Variants in TNK2 observed in about 807,000 individuals in gnomAD.
The protein encoded by TNK2 is activated CDC42 kinase 1.
A neutral mutation model predicts 101.8 loss-of-function variants in TNK2; 83 were observed. The observed-to-expected ratio is 0.82, with a 90% CI of 0.68 to 0.98. The LOEUF is 0.98. TNK2 is among the 50% of genes least tolerant of loss of function. The pLI is 0.00. For synonymous variants in TNK2, 804 were observed against 633.0 expected (o/e 1.27, Z -4.06); for missense variants, 1,665 against 1,483.2 (o/e 1.12, Z -2.01).
At position 195,886,779 on chromosome 3, in the gene TNK2, C is replaced by T. The variant is rs1018814242; in HGVS notation, c.234+198G>A. Among the ~76,000 whole-genome samples the T allele has an allele frequency of 1.3e-5, 2 of 152,188 alleles. No individual in the cohort carries two copies. The highest frequency in any genetic ancestry group is 4.8e-5 in the African/African-American group (2 of 41,444). ...AGGCTGCTCACGTGTCCGTATCTGG[C>T]GGAGACAGACACTTAGCCCAGCAGC... On this transcript the variant is annotated intron_variant, in intron 3 of 15. Coordinates refer to ENST00000672887, the MANE Select transcript of TNK2 (RefSeq NM_001382273.1). This position sits in a 1 kb window ranked among gnomAD's most constrained non-coding sequence, Gnocchi z 4.2.
rs200923684 is a variant in TNK2, at chr3:195,868,513, C to T, written c.1785G>A (p.Pro595=). The stretch of plus-strand genomic sequence containing the variant: ...GGGAGGGCGCGCAGGGCCGTAGGGC[C>T]GGGACCACGGGCTCCTCACCGAAGT... The part of the protein sequence containing the change: ...LIDFGEEPVV[P]ALRPCAPSLA... Residue 595 remains proline (P), a synonymous_variant, in exon 13 of 16, where the codon CCG becomes CCA. Coordinates refer to ENST00000672887, the MANE Select transcript of TNK2 (RefSeq NM_001382273.1). 56 of 1,556,486 alleles carry T rather than the reference C, an allele frequency of 3.6e-5. No homozygotes were observed. Among genetic ancestry groups the T allele is most frequent in the East Asian group, 2.8e-4 (12 of 42,682 alleles).
rs565563192 is a variant in TNK2 at position 195,868,086 on chromosome 3, C to T, written c.2212G>A (p.Gly738Ser). The change falls in exon 13 of 16, where the codon GGC becomes AGC. Residue 738 changes from glycine (G) to serine (S), a missense_variant. Transcript: ENST00000672887. ...ECMRQLQAPAGSPAPSPSPGG... is the reference protein window; with the variant it reads ...ECMRQLQAPASSPAPSPSPGG... Reference sequence around the variant, plus strand: ...GGGCTGGGAGAGGGGGCCGGGGAGCCGGCCGGAGCCTGCAGTTGCCTCATG... The same window carrying T: ...GGGCTGGGAGAGGGGGCCGGGGAGCTGGCCGGAGCCTGCAGTTGCCTCATG... 287 of 1,609,720 alleles carry T rather than the reference C, an allele frequency of 1.8e-4. 1 individual carries two copies. Among genetic ancestry groups the T allele is most frequent in the Admixed American group, 5.4e-4 (32 of 59,790 alleles).
intron 1 of TNK2, among the ~76,000 whole-genome samples, chr3:195,904,692 CA>C (rs2149877596): frequency 6.6e-6 from 1 of 152,044 alleles, no homozygotes; most frequent in South Asian, 2.1e-4. Flanking sequence ...TATTTTACCA[CA>C]ATTAAAAGTT....
Position 195,868,664 on chromosome 3 carries a change from C to G in TNK2, c.1634G>C (p.Ser545Thr). 1 of 1,593,494 alleles carries G rather than the reference C, an allele frequency of 6.3e-7. No homozygotes were observed. The part of the protein sequence containing the change: ...PVSEDQDPLS[S>T]DFKRLGLRKP... ...CCGCAGGCCCAGCCTCTTGAAGTCGCTGGACAAGGGGTCTTGGTCCTCGCT... is the reference window on the plus strand; with the variant it reads ...CCGCAGGCCCAGCCTCTTGAAGTCGGTGGACAAGGGGTCTTGGTCCTCGCT... The change falls in exon 13 of 16, where the codon AGC (serine) becomes ACC (threonine). Residue 545 changes from serine to threonine, a missense_variant. Around this residue, in one of 3 missense-constraint regions of TNK2, gnomAD observed 1,136 missense variants for 894.9 expected, o/e 1.27. Transcript: ENST00000672887.
At chr3:195,869,629 G>GCA in intron 11 of TNK2, 88 bp from the exon 12 acceptor site, 2 of 1,213,394 alleles carry the variant, frequency 1.6e-6, no homozygotes, top group Non-Finnish European at 2.4e-6. Flanking sequence ...AGGGCAGAGT[G>GCA]TAGAGAGACG....
At chr3:195,881,977 G>A in intron 6 of TNK2, 74 bp downstream of exon 6, 1 of 1,525,016 alleles carries the variant, frequency 6.6e-7, no homozygotes. Flanking sequence ...GGCTGTGGTG[G>A]GTCCAGAAAG....
rs1160139215 is a variant in TNK2 at position 195,867,223 on chromosome 3, C to G, written c.2979G>C (p.Gln993His). 6.2e-7 allele frequency: 1 copy of G among 1,613,038 alleles called. No individual in the cohort carries two copies. The highest frequency in any genetic ancestry group is 8.5e-7 in the Non-Finnish European group (1 of 1,179,920). The change falls in exon 14 of 16, where the codon CAG (glutamine) becomes CAC (histidine). Residue 993 changes from glutamine (Q) to histidine (H), a missense_variant. By Grantham distance (24) the Gln-to-His change is conservative. This residue lies in a region of TNK2 where 1,136 missense variants were observed against 894.9 expected (regional missense o/e 1.27). Coordinates refer to ENST00000672887, the MANE Select transcript of TNK2 (RefSeq NM_001382273.1). ...TCCAGCCGTGGCACTGCAGGGCCGCCTGGCACTCCTCTGTGGTCACCCCAT... is the reference window on the plus strand; with the variant it reads ...TCCAGCCGTGGCACTGCAGGGCCGCGTGGCACTCCTCTGTGGTCACCCCAT... ...MVHGVTTEEC[Q>H]AALQCHGWSV...
At chr3:195,900,524 G>A (rs973628244) in intron 1 of TNK2, among the ~76,000 whole-genome samples, 17 of 152,168 alleles carry the variant, frequency 1.1e-4, no homozygotes, top group African/African-American at 1.9e-4. Flanking sequence ...TTCATGCTCC[G>A]CCAGCTGAAG....
At chr3:195,870,264 T>A (rs531145791) in intron 10 of TNK2, 59 bp from the exon 11 acceptor site, 2 of 1,593,526 alleles carry the variant, frequency 1.3e-6, no homozygotes, top group Admixed American at 1.7e-5. Flanking sequence ...GGTGGCAGAA[T>A]CTCATCAGAG....
Position 195,886,931 on chromosome 3 carries a change from T to C in TNK2, c.234+46A>G, listed in dbSNP as rs1755894941. The C allele has an allele frequency of 6.3e-7, 1 of 1,588,572 alleles. No homozygotes were observed. The highest frequency in any genetic ancestry group is 8.6e-7 in the Non-Finnish European group (1 of 1,157,182). ...CCAGGACCAGAAGCGGAGGGGGGCGTTCGAGGCTGCCCCCCTCCCACCTCC... is the reference window on the plus strand; with the variant it reads ...CCAGGACCAGAAGCGGAGGGGGGCGCTCGAGGCTGCCCCCCTCCCACCTCC... On this transcript the variant is annotated intron_variant, in intron 3 of 15. Transcript: ENST00000672887. The surrounding 1 kb of genome is among the most constrained non-coding windows in gnomAD (Gnocchi z 4.2).
rs555838436 is a variant in TNK2, at chr3:195,878,388, G to A, written c.1162-41C>T. 1.9e-5 allele frequency: 30 copies of A among 1,613,754 alleles called. No individual in the cohort carries two copies. Among genetic ancestry groups the A allele is most frequent in the Middle Eastern group, 3.3e-4 (2 of 6,084 alleles). ...GGTCGTGGCCAACTCTGGGACTGAC[G>A]CCTGGGTAGCCCCTCAGCTTGAACA... On this transcript the variant is annotated intron_variant, in intron 8 of 15. Transcript: ENST00000672887. This position sits in a 1 kb window ranked among gnomAD's most constrained non-coding sequence, Gnocchi z 4.7.
chr3:195,879,023 A>T, intron 7 of TNK2, 26 bp downstream of exon 7: 3 of 1,611,006 alleles, frequency 1.9e-6, no homozygotes, highest in Non-Finnish European at 2.5e-6. Flanking sequence ...CACCAGCCCT[A>T]TGGGGGCCCG....
chr3:195,873,586 C>T (rs1747006637), intron 9 of TNK2, among the ~76,000 whole-genome samples: 1 of 152,142 alleles, frequency 6.6e-6, no homozygotes, highest in South Asian at 2.1e-4. Context: ...CGTGTGGCAC[C>T]ACACTGCACG....
At chr3:195,884,594 G>C in intron 4 of TNK2, 1 of 485,692 alleles carries the variant, frequency 2.1e-6, no homozygotes, top group East Asian at 3.3e-5. Flanking sequence ...AGGAAGCCGA[G>C]ATCGTGCCTA....
In TNK2 at chr3:195,868,285, G is replaced by A. The variant is rs759755725; in HGVS notation, c.2013C>T (p.Gly671=). The change falls in exon 13 of 16, where the codon GGC becomes GGT. Residue 671 remains glycine (G), a synonymous_variant. Coordinates refer to ENST00000672887, the MANE Select transcript of TNK2 (RefSeq NM_001382273.1). ...EICSINSTLV[G]AGVPAGPSQG... ...GGCTGGGCCCGGCAGGGACCCCCGC[G>A]CCCACGAGGGTGCTGTTGATGGAGC... The A allele has an allele frequency of 3.5e-5, 56 of 1,603,756 alleles. No individual in the cohort carries two copies. Among genetic ancestry groups the A allele is most frequent in the African/African-American group, 2.0e-4 (15 of 74,858 alleles).
At chr3:195,869,857 C>T (rs1377838949) in intron 11 of TNK2, 14 of 552,300 alleles carry the variant, frequency 2.5e-5, no homozygotes, top group South Asian at 1.5e-4. Flanking sequence ...TGAGCTCGGC[C>T]GTGGAAGGAG....
At chr3:195,884,121 G>A (rs1157144092) in intron 4 of TNK2, 2 of 152,148 alleles carry the variant, frequency 1.3e-5, no homozygotes, top group African/African-American at 2.4e-5. Context: ...TATCCCTGAG[G>A]GGAAAATGTT....
intron 2 of TNK2, among the ~76,000 whole-genome samples, chr3:195,887,354 C>T (rs1386069979): frequency 6.6e-6 from 1 of 152,276 alleles, no homozygotes; most frequent in Admixed American, 6.5e-5. Context: ...TTTTTCCCTC[C>T]GTAAAATTTT....
rs1360090092 is a variant in TNK2, at chr3:195,884,945, G to T, written c.323C>A (p.Pro108Gln). 1 of 1,613,738 alleles carries T rather than the reference G, an allele frequency of 6.2e-7. No individual in the cohort carries two copies. The highest frequency in any genetic ancestry group is 1.7e-5 in the Admixed American group (1 of 59,984). Residue 108 changes from proline (P) to glutamine (Q), a missense_variant, in exon 4 of 16, where the codon CCA (proline) becomes CAA (glutamine). Pro to Gln is a moderately conservative substitution (Grantham distance 76). This residue lies in a region of TNK2 where 490 missense variants were observed against 522.5 expected (regional missense o/e 0.94). Coordinates refer to ENST00000672887, the MANE Select transcript of TNK2 (RefSeq NM_001382273.1). Reference sequence around the variant, plus strand: ...GCTCTGCAGGGGCCCCTCCCCTGCTGGGCCCCCAGGGGCGGGCGAGGTCTT... The same window carrying T: ...GCTCTGCAGGGGCCCCTCCCCTGCTTGGCCCCCAGGGGCGGGCGAGGTCTT... The part of the protein sequence containing the change: ...FRKTSPAPGG[P>Q]AGEGPLQSLT...
Sources: allele counts gnomAD v4.1 joint callset (sites outside exome capture counted in the v4.1 genomes callset), GRCh38; gene constraint gnomAD v4.1.1; regional missense constraint gnomAD v4.1.1; non-coding constraint Gnocchi (gnomAD v3.1); transcripts MANE v1.5; gene names NCBI Gene and HGNC (gene_info 2026-07-23, HGNC 2026-07-21).